Variants in PRDM8 observed in about 807,000 individuals in gnomAD.
PRDM8 encodes the protein PR/SET domain 8.
A neutral mutation model predicts 46.5 loss-of-function variants in PRDM8; 13 were observed. The observed-to-expected ratio is 0.28, with a 90% CI of 0.18 to 0.44. The LOEUF (loss-of-function observed/expected upper bound fraction) is 0.44, where lower values mean the gene tolerates loss of function less well. Ranked by LOEUF, PRDM8 falls within the 20% of genes least tolerant of loss-of-function variation. The pLI, the probability that PRDM8 is intolerant of heterozygous loss-of-function variation, is 1.00. For missense variants in PRDM8, 998 were observed against 955.0 expected (o/e 1.04, Z -0.59); for synonymous variants, 473 against 438.4 (o/e 1.08, Z -0.98).
At chr4:80,201,869 T>C (rs774923926) in intron 3 of PRDM8, 45 bp from the exon 4 acceptor site, 56 of 1,605,966 alleles carry the variant, frequency 3.5e-5, no homozygotes, top group Non-Finnish European at 4.4e-5. Context: ...CGTGTGTGTG[T>C]GTGTGTGCGT....
chr4:80,186,868 C>T (rs1298382552), intron 1 of PRDM8, among the ~76,000 whole-genome samples: 1 of 152,154 alleles, frequency 6.6e-6, no homozygotes, highest in Non-Finnish European at 1.5e-5. Flanking sequence ...CCTCATTTGT[C>T]CAGCAGCCTA....
In PRDM8 at chr4:80,203,696, C is replaced by T; in HGVS notation, c.*164C>T. On this transcript the variant is annotated 3_prime_UTR_variant, in exon 4 of 4. Coordinates refer to ENST00000415738, the MANE Select transcript of PRDM8 (RefSeq NM_001099403.2). ...CCCCCAACGCGCACACACACGTCCT[C>T]TCCTCCCAGGAACCTCATTCAAATA... 1 of 1,259,680 alleles carries T rather than the reference C, an allele frequency of 7.9e-7. No individual in the cohort carries two copies. Among genetic ancestry groups the T allele is most frequent in the South Asian group, 1.6e-5 (1 of 62,752 alleles). 78.0% of individuals were successfully genotyped at this position (1,259,680 alleles called of 1,614,324 possible). A position where few individuals can be genotyped will look rare whatever the true frequency, so the allele number is the denominator to read the frequency against.
In PRDM8 at chr4:80,201,409, C is replaced by T. The variant is rs757412965; in HGVS notation, c.339C>T (p.Phe113=). The T allele has an allele frequency of 1.2e-6, 2 of 1,614,124 alleles. No homozygotes were observed. Among genetic ancestry groups the T allele is most frequent in the Non-Finnish European group, 1.7e-6 (2 of 1,180,054 alleles). The change falls in exon 3 of 4, where the codon TTC becomes TTT. Residue 113 remains phenylalanine (F), a synonymous_variant. Transcript: ENST00000415738. ...LEAYIKNGQL[F]YRSLRRIAKD... ...CCTACATAAAAAACGGACAGCTGTT[C>T]TACCGCTCTCTCCGCAGGATTGCCA...
chr4:80,191,299 C>G (rs949270649), intron 1 of PRDM8, among the ~76,000 whole-genome samples: 3 of 152,200 alleles, frequency 2.0e-5, no homozygotes, highest in Non-Finnish European at 4.4e-5. Flanking sequence ...AAGTTAAATT[C>G]TAGGCCTAGC....
At chr4:80,191,962 C>T (rs533335399) in intron 2 of PRDM8, among the ~76,000 whole-genome samples, 14 of 152,320 alleles carry the variant, frequency 9.2e-5, no homozygotes, top group Non-Finnish European at 1.9e-4. Flanking sequence ...ATTGTGGTTC[C>T]TAACTGGTAT....
At position 80,203,100 on chromosome 4, in the gene PRDM8, G is replaced by T. The variant is rs1033889977; in HGVS notation, c.1638G>T (p.Ala546=). ...RLYPAAADPL[A]VKLQGAADLN... is the part of the protein sequence containing the mutation. ...ATCCCGCCGCCGCGGACCCTCTAGC[G>T]GTGAAGCTCCAGGGGGCCGCGGACC... Residue 546 remains alanine, a synonymous_variant, in exon 4 of 4, where the codon GCG becomes GCT. Transcript: ENST00000415738. 1.9e-6 allele frequency: 3 copies of T among 1,572,502 alleles called. No individual in the cohort carries two copies. Among genetic ancestry groups the T allele is most frequent in the Non-Finnish European group, 2.6e-6 (3 of 1,168,080 alleles).
upstream of PRDM8, chr4:80,194,147 C>A (rs1037880190): frequency 2.0e-5 from 19 of 927,532 alleles, no homozygotes; most frequent in South Asian, 1.5e-4. Flanking sequence ...ATTTATCAAC[C>A]TCTCTCCAGC....
At chr4:80,194,249 C>G, upstream of PRDM8, 1 of 966,882 alleles carries the variant, frequency 1.0e-6, no homozygotes, top group Non-Finnish European at 1.2e-6. Context: ...GGTGAGCATA[C>G]CCACTCTTCA....
chr4:80,202,068 C>A lies in PRDM8; in HGVS notation c.606C>A (p.His202Gln). ...GCGGCGGCGTGGGCACCAAGGACCA[C>A]GGGGGCGGCGGCGGCGGTGGCAAAG... ...EQGGGVGTKDHGGGGGGGKDQ... is the reference protein window; with the variant it reads ...EQGGGVGTKDQGGGGGGGKDQ... The change falls in exon 4 of 4, where the codon CAC (histidine) becomes CAA (glutamine). Residue 202 changes from histidine (H) to glutamine (Q), a missense_variant. By Grantham distance (24) the His-to-Gln change is conservative. Transcript: ENST00000415738. 2 of 1,613,550 alleles carry A rather than the reference C, an allele frequency of 1.2e-6. No individual in the cohort carries two copies. The highest frequency in any genetic ancestry group is 1.1e-5 in the South Asian group (1 of 91,058).
chr4:80,186,153 A>C (rs1009877849), intron 1 of PRDM8, among the ~76,000 whole-genome samples: 1 of 152,186 alleles, frequency 6.6e-6, no homozygotes, highest in Admixed American at 6.5e-5. Context: ...TTGGTATAGA[A>C]AAGGAAAGAC....
At chr4:80,196,638 A>G, upstream of PRDM8, 1 of 981,886 alleles carries the variant, frequency 1.0e-6, no homozygotes. Context: ...TTGCCCCCCA[A>G]CCCCAAGACC....
chr4:80,187,246 G>GGC lies in PRDM8; in HGVS notation c.-983+1729_-983+1730insCG, dbSNP rs1280961869. Among the ~76,000 whole-genome samples the GGC allele has an allele frequency of 1.8e-4, 18 of 98,032 alleles. 2 individuals carry two copies. The East Asian group carries it at 2.8e-3, about 15-fold the overall frequency. 64.3% of individuals were successfully genotyped at this position (98,032 alleles called of 152,430 possible). A position where few individuals can be genotyped will look rare whatever the true frequency, so the allele number is the denominator to read the frequency against. Reference sequence around the variant, plus strand: ...TGCTGTATCAGCATTCTCTGCCCTGGGGCGGGGGGAAGCAGAAGAATATCA... The same window carrying GGC: ...TGCTGTATCAGCATTCTCTGCCCTGGGCGGCGGGGGGAAGCAGAAGAATATCA... On this transcript the variant is annotated intron_variant, in intron 1 of 9. Transcript: ENST00000339711.
chr4:80,202,036 G>C lies in PRDM8; in HGVS notation c.574G>C (p.Glu192Gln). 6.2e-7 allele frequency: 1 copy of C among 1,614,110 alleles called. No homozygotes were observed. Among genetic ancestry groups the C allele is most frequent in the East Asian group, 2.2e-5 (1 of 44,870 alleles). Residue 192 changes from glutamate (E) to glutamine (Q), a missense_variant, in exon 4 of 4, where the codon GAA becomes CAA. Transcript: ENST00000415738. ...CAGCGCTGATATAAGTCCCCAAGACGAACAAGGCGGCGGCGTGGGCACCAA... is the reference window on the plus strand; with the variant it reads ...CAGCGCTGATATAAGTCCCCAAGACCAACAAGGCGGCGGCGTGGGCACCAA... Reference protein sequence around the residue: ...LHSADISPQDEQGGGVGTKDH... With the variant: ...LHSADISPQDQQGGGVGTKDH...
chr4:80,198,540 A>G (rs1480288626), intron 1 of PRDM8, among the ~76,000 whole-genome samples: 3 of 152,184 alleles, frequency 2.0e-5, no homozygotes, highest in African/African-American at 7.2e-5. Context: ...GGGATAGATG[A>G]TGCAGAATAA....
intron 1 of PRDM8, among the ~76,000 whole-genome samples, chr4:80,185,855 A>G (rs1428330143): frequency 6.6e-6 from 1 of 152,104 alleles, no homozygotes; most frequent in Non-Finnish European, 1.5e-5. Flanking sequence ...ATTGCCTTTT[A>G]TCGTTGATTA....
intron 1 of PRDM8, among the ~76,000 whole-genome samples, chr4:80,187,275 T>G (rs1265882696): frequency 6.9e-6 from 1 of 144,830 alleles, no homozygotes; most frequent in Non-Finnish European, 1.5e-5. Flanking sequence ...AATATCATCT[T>G]GAATGCTGTT....
intron 2 of PRDM8, 102 bp from the exon 3 acceptor site, chr4:80,201,188 C>A: frequency 8.6e-7 from 1 of 1,159,432 alleles, no homozygotes; most frequent in Non-Finnish European, 1.2e-6. Flanking sequence ...TTGGAAAAGA[C>A]TAACATAGAA....
chr4:80,202,346 A>C lies in PRDM8; in HGVS notation c.884A>C (p.His295Pro), dbSNP rs767560709. The change falls in exon 4 of 4, where the codon CAC (histidine) becomes CCC (proline). Residue 295 changes from histidine to proline, a missense_variant. Transcript: ENST00000415738. ...AGCGGCAGCGGCGGCGGCGGCGGCC[A>C]CCAGGAGGCGGAGCTGAGTCCCGAC... ...SGSGSGGGGG[H>P]QEAELSPDGI... 403 of 1,597,464 alleles carry C rather than the reference A, an allele frequency of 2.5e-4. No individual in the cohort carries two copies. Among genetic ancestry groups the C allele is most frequent in the Non-Finnish European group, 3.1e-4 (368 of 1,172,386 alleles).
intron 3 of PRDM8, 66 bp from the exon 4 acceptor site, chr4:80,201,848 C>T (rs1424993432): frequency 6.3e-7 from 1 of 1,598,288 alleles, no homozygotes; most frequent in Non-Finnish European, 8.5e-7. Flanking sequence ...GCTGAGTAAT[C>T]ATGTGGTGTG....
Sources: allele counts gnomAD v4.1 joint callset (sites outside exome capture counted in the v4.1 genomes callset), GRCh38; gene constraint gnomAD v4.1.1; transcripts MANE v1.5; gene names NCBI Gene and HGNC (gene_info 2026-07-23, HGNC 2026-07-21).